The following PLA2G6 variants were observed in gnomAD, a reference collection of about 807,000 sequenced individuals.
The protein encoded by PLA2G6 is 85/88 kDa calcium-independent phospholipase A2.
In PLA2G6, 62 loss-of-function variants were observed where a neutral mutation model predicts 83.8. The observed-to-expected ratio is 0.74, with a 90% confidence interval of 0.60 to 0.91. The LOEUF is 0.91. Ranked by LOEUF, PLA2G6 falls within the 40% of genes least tolerant of loss-of-function variation. The probability of loss-of-function intolerance (pLI) is 0.00; values close to 1 mark genes in which losing one functional copy is unlikely to be tolerated. For synonymous variants in PLA2G6, 417 were observed against 449.8 expected (o/e 0.93, Z 0.92); for missense variants, 944 against 1,102.0 (o/e 0.86, Z 2.03).
rs1183397735 is a variant in PLA2G6 at position 38,132,552 on chromosome 22, G to A, written c.1077+279C>T. On this transcript the variant is annotated intron_variant, in intron 7 of 16. Coordinates refer to ENST00000332509, the MANE Select transcript of PLA2G6 (RefSeq NM_003560.4). The surrounding 1 kb of genome is among the most constrained non-coding windows in gnomAD (Gnocchi z 5.0). ...TGCTCAGGGCCAGTCTATGGCCAGAGCTGTCATTTTTCCCTCTCGTGCCAT... is the reference window on the plus strand; with the variant it reads ...TGCTCAGGGCCAGTCTATGGCCAGAACTGTCATTTTTCCCTCTCGTGCCAT... The A allele has an allele frequency of 1.8e-6, 1 of 549,816 alleles. No homozygotes were observed. The highest frequency in any genetic ancestry group is 3.3e-6 in the Non-Finnish European group (1 of 305,660). 34.1% of individuals were successfully genotyped at this position (549,816 alleles called of 1,614,324 possible).
At chr22:38,176,252 G>A (rs2090626588) in intron 1 of PLA2G6, among the ~76,000 whole-genome samples, 1 of 152,136 alleles carries the variant, frequency 6.6e-6, no homozygotes, top group African/African-American at 2.4e-5. Flanking sequence ...AAGCAGGAAA[G>A]ACTCCAAGCC....
intron 7 of PLA2G6, chr22:38,131,912 C>T (rs1012048786): frequency 2.1e-5 from 7 of 329,038 alleles, no homozygotes; most frequent in Admixed American, 8.6e-5. Flanking sequence ...CACAGGAGTT[C>T]GAGACCAGCC....
intron 13 of PLA2G6, 21 bp from the exon 14 acceptor site, chr22:38,115,702 C>A: frequency 6.3e-7 from 1 of 1,585,166 alleles, no homozygotes. Flanking sequence ...GGAAGGAGGG[C>A]GGCCCAGTGG....
At chr22:38,169,746 AC>A (rs2090361505) in intron 1 of PLA2G6, among the ~76,000 whole-genome samples, 1 of 152,156 alleles carries the variant, frequency 6.6e-6, no homozygotes, top group Non-Finnish European at 1.5e-5. Context: ...CTGCTTCCTG[AC>A]CCAGTGTCCC....
chr22:38,118,738 A>G (rs4821741), intron 12 of PLA2G6, among the ~76,000 whole-genome samples: 62,950 of 147,828 alleles, frequency 0.43, 13,756 homozygotes, highest in South Asian at 0.57. Flanking sequence ...ATAGTTTGTG[A>G]GTTTGTTTGT....
intron 2 of PLA2G6, among the ~76,000 whole-genome samples, chr22:38,164,171 C>A (rs1259639506): frequency 6.6e-6 from 1 of 152,118 alleles, no homozygotes; most frequent in African/African-American, 2.4e-5. Context: ...TACAAGTGAC[C>A]CCTGGGGGCT....
At chr22:38,156,688 C>T (rs533295697) in intron 2 of PLA2G6, among the ~76,000 whole-genome samples, 3 of 152,148 alleles carry the variant, frequency 2.0e-5, no homozygotes, top group East Asian at 3.9e-4. Context: ...CTCCTGACCT[C>T]GTGATCTGCC....
In PLA2G6 at chr22:38,169,474, G is replaced by C; in HGVS notation, c.-45-3C>G. ...GCCCCACCGTCTTCCCCCTCTGTCTGGAAGAAAACGAGGTCTCTGGTCAGC... is the reference window on the plus strand; with the variant it reads ...GCCCCACCGTCTTCCCCCTCTGTCTCGAAGAAAACGAGGTCTCTGGTCAGC... On this transcript the variant is annotated splice_region_variant and splice_polypyrimidine_tract_variant and intron_variant, in intron 1 of 16. Coordinates refer to ENST00000332509, the MANE Select transcript of PLA2G6 (RefSeq NM_003560.4). 6.5e-7 allele frequency: 1 copy of C among 1,541,576 alleles called. No individual in the cohort carries two copies. Among genetic ancestry groups the C allele is most frequent in the Non-Finnish European group, 8.9e-7 (1 of 1,121,002 alleles).
rs553624681 is a variant in PLA2G6, at chr22:38,115,780, C to T, written c.1880-99G>A. 43 of 1,497,432 alleles carry T rather than the reference C, an allele frequency of 2.9e-5. No individual in the cohort carries two copies. In the African/African-American group the frequency reaches 4.3e-4, roughly 15 times the overall value. 92.8% of individuals were successfully genotyped at this position (1,497,432 alleles called of 1,614,324 possible). A position where few individuals can be genotyped will look rare whatever the true frequency, so the allele number is the denominator to read the frequency against. ...GTGTGCGTGTTGGGGGCTGGGGGTGCGGGAAGAGGGGAGGCTGGGAACTCT... is the reference window on the plus strand; with the variant it reads ...GTGTGCGTGTTGGGGGCTGGGGGTGTGGGAAGAGGGGAGGCTGGGAACTCT... On this transcript the variant is annotated intron_variant, in intron 13 of 16. Transcript: ENST00000332509.
At chr22:38,112,707 C>CA (rs1239169368) in intron 15 of PLA2G6, 130 bp from the exon 16 acceptor site, 1 of 772,806 alleles carries the variant, frequency 1.3e-6, no homozygotes, top group Non-Finnish European at 2.2e-6. Flanking sequence ...GGCTGAGCCA[C>CA]ACAGCAGCAG....
intron 6 of PLA2G6, chr22:38,133,675 C>CT (rs1374439599): frequency 6.5e-6 from 1 of 153,286 alleles, no homozygotes; most frequent in Non-Finnish European, 1.5e-5. Context: ...CCTGGCCCAT[C>CT]ACATTGAGAA....
chr22:38,169,280 G>C lies in PLA2G6; in HGVS notation c.147C>G (p.Asn49Lys). Residue 49 changes from asparagine (N) to lysine (K), a missense_variant, in exon 2 of 17, where the codon AAC (asparagine) becomes AAG (lysine). Physicochemically the swap from Asn to Lys is moderately conservative, Grantham distance 94. Transcript: ENST00000332509. Reference protein sequence around the residue: ...REEGQLILFQNTPNRTWDCVL... With the variant: ...REEGQLILFQKTPNRTWDCVL... ...CGCAGTCCCAGGTGCGGTTGGGAGT[G>C]TTCTGGAACAGAATCAGCTGCCCTT... 1 of 1,614,214 alleles carries C rather than the reference G, an allele frequency of 6.2e-7. No individual in the cohort carries two copies. The highest frequency in any genetic ancestry group is 1.7e-5 in the Admixed American group (1 of 60,018).
At chr22:38,161,898 C>T (rs980830635) in intron 2 of PLA2G6, among the ~76,000 whole-genome samples, 3 of 151,956 alleles carry the variant, frequency 2.0e-5, no homozygotes, top group African/African-American at 2.4e-5. Context: ...TGGCTCATGT[C>T]GTGATTTCAA....
rs375998012 is a variant in PLA2G6 at position 38,128,232 on chromosome 22, C to T, written c.1348+37G>A. The T allele has an allele frequency of 1.3e-4, 211 of 1,606,786 alleles. No individual in the cohort carries two copies. Among genetic ancestry groups the T allele is most frequent in the Non-Finnish European group, 1.5e-4 (176 of 1,175,266 alleles). Reference sequence around the variant, plus strand: ...CTGCTGTGATCCAGGGGCCTGGGAACCAGCTGGAGAAGAGGGAGTCGGGAG... The same window carrying T: ...CTGCTGTGATCCAGGGGCCTGGGAATCAGCTGGAGAAGAGGGAGTCGGGAG... On this transcript the variant is annotated intron_variant, in intron 9 of 16. Transcript: ENST00000332509. The surrounding 1 kb of genome is among the most constrained non-coding windows in gnomAD (Gnocchi z 4.4).
intron 2 of PLA2G6, among the ~76,000 whole-genome samples, chr22:38,166,200 C>A (rs556901903): frequency 6.6e-6 from 1 of 152,290 alleles, no homozygotes; most frequent in African/African-American, 2.4e-5. Context: ...CTGGCCAATG[C>A]GTGCAACTTC....
At chr22:38,176,314 G>C (rs369155056) in intron 1 of PLA2G6, among the ~76,000 whole-genome samples, 1 of 152,156 alleles carries the variant, frequency 6.6e-6, no homozygotes, top group Admixed American at 6.5e-5. Context: ...ACAGCTGCCC[G>C]AGAGGTGCGT....
intron 2 of PLA2G6, among the ~76,000 whole-genome samples, chr22:38,169,002 A>G (rs531108954): frequency 1.3e-5 from 2 of 152,222 alleles, no homozygotes; most frequent in East Asian, 3.9e-4. Context: ...CCAGGCTTCC[A>G]TCCTCAGCCT....
In PLA2G6 at chr22:38,132,783, C is replaced by T. The variant is rs1602134948; in HGVS notation, c.1077+48G>A. 2.0e-6 allele frequency: 3 copies of T among 1,498,252 alleles called. No homozygotes were observed. Among genetic ancestry groups the T allele is most frequent in the Non-Finnish European group, 1.8e-6 (2 of 1,113,042 alleles). 92.8% of individuals were successfully genotyped at this position (1,498,252 alleles called of 1,614,324 possible). On this transcript the variant is annotated intron_variant, in intron 7 of 16. Transcript: ENST00000332509. This position sits in a 1 kb window ranked among gnomAD's most constrained non-coding sequence, Gnocchi z 5.0. Reference sequence around the variant, plus strand: ...GGCTCCAGTCCGGACAGCCCTCCTGCATTCCCACCGGGGCCCCACAGGGCA... The same window carrying T: ...GGCTCCAGTCCGGACAGCCCTCCTGTATTCCCACCGGGGCCCCACAGGGCA...
At chr22:38,174,879 C>T (rs1186715073) in intron 1 of PLA2G6, among the ~76,000 whole-genome samples, 1 of 152,242 alleles carries the variant, frequency 6.6e-6, no homozygotes, top group Admixed American at 6.5e-5. Context: ...CGCCCCTCGC[C>T]ATGCCCAGGG....
Sources: allele counts gnomAD v4.1 joint callset (sites outside exome capture counted in the v4.1 genomes callset), GRCh38; gene constraint gnomAD v4.1.1; non-coding constraint Gnocchi (gnomAD v3.1); transcripts MANE v1.5; gene names NCBI Gene and HGNC (gene_info 2026-07-23, HGNC 2026-07-21).